Variants in NUMA1 observed in about 807,000 individuals in gnomAD.
NUMA1 encodes SP-H antigen.
A neutral mutation model predicts 237.1 loss-of-function variants in NUMA1; 62 were observed. That is an observed-to-expected ratio of 0.26 (90% CI 0.21 to 0.32). The LOEUF (loss-of-function observed/expected upper bound fraction) is 0.32. Among genes scored for constraint, NUMA1 ranks in the 10% least tolerant of loss-of-function variants. The pLI, the probability that NUMA1 is intolerant of heterozygous loss-of-function variation, is 1.00. For synonymous variants in NUMA1, 1,028 were observed against 1,066.1 expected (o/e 0.96, Z 0.70); for missense variants, 2,533 against 2,666.5 (o/e 0.95, Z 1.10).
At chr11:72,061,485 C>CTTT (rs767581846) in intron 2 of NUMA1, among the ~76,000 whole-genome samples, 42 of 117,314 alleles carry the variant, frequency 3.6e-4, no homozygotes, top group South Asian at 9.9e-4. Flanking sequence ...TGTTTCTTTT[C>CTTT]TTTTTTTTTT....
chr11:72,015,707 C>T lies in NUMA1; in HGVS notation c.1796G>A (p.Arg599Gln), dbSNP rs753482621. The change falls in exon 15 of 27, where the codon CGG becomes CAG. Residue 599 changes from arginine (R) to glutamine (Q), a missense_variant. Transcript: ENST00000393695. The surrounding 1 kb of genome is among the most constrained non-coding windows in gnomAD (Gnocchi z 4.0). ...AEEREASLRERDAALKQLEAL... is the reference protein window; with the variant it reads ...AEEREASLREQDAALKQLEAL... The stretch of plus-strand genomic sequence containing the variant: ...CTCCAGCTGCTTGAGAGCCGCATCC[C>T]GCTCCCTTAAGGAGGCCTCTCGCTC... 3.0e-5 allele frequency: 49 copies of T among 1,613,976 alleles called. No homozygotes were observed. Among genetic ancestry groups the T allele is most frequent in the African/African-American group, 5.3e-5 (4 of 74,934 alleles).
intron 20 of NUMA1, chr11:72,008,396 TAGTC>T (rs1055160794): frequency 1.6e-5 from 7 of 447,612 alleles, no homozygotes; most frequent in African/African-American, 4.0e-5. Context: ...CATCTCAGCT[TAGTC>T]AGGCTCTTTC....
intron 3 of NUMA1, among the ~76,000 whole-genome samples, chr11:72,029,544 C>T (rs1320027692): frequency 6.6e-6 from 1 of 152,212 alleles, no homozygotes; most frequent in African/African-American, 2.4e-5. Flanking sequence ...TAAGATGTTC[C>T]AGCACTGGGA....
chr11:72,018,585 T>A, intron 10 of NUMA1, 72 bp from the exon 11 acceptor site: 1 of 1,354,644 alleles, frequency 7.4e-7, no homozygotes, highest in Non-Finnish European at 1.0e-6. Context: ...TGCACAGAAC[T>A]ATGTGCACAA....
At chr11:72,009,471 G>A in intron 17 of NUMA1, 84 bp from the exon 18 acceptor site, 6 of 1,494,634 alleles carry the variant, frequency 4.0e-6, no homozygotes, top group Non-Finnish European at 5.3e-6. Context: ...GGGCTCCACA[G>A]GTGCTTCAGA....
chr11:72,004,373 A>C, intron 24 of NUMA1, 32 bp from the exon 25 acceptor site: 1 of 1,578,850 alleles, frequency 6.3e-7, no homozygotes, highest in Non-Finnish European at 8.7e-7. Context: ...GGCAGACAGT[A>C]GCAAGAGGAG....
rs1955480924 is a variant in NUMA1 at position 72,004,038 on chromosome 11, C to G, written c.6185G>C (p.Ser2062Thr). 5 of 1,613,712 alleles carry G rather than the reference C, an allele frequency of 3.1e-6. No individual in the cohort carries two copies. The highest frequency in any genetic ancestry group is 4.2e-6 in the Non-Finnish European group (5 of 1,179,826). The change falls in exon 26 of 27, where the codon AGC becomes ACC. Residue 2062 changes from serine (S) to threonine (T), a missense_variant. Physicochemically the swap from Ser to Thr is moderately conservative, Grantham distance 58. Coordinates refer to ENST00000393695, the MANE Select transcript of NUMA1 (RefSeq NM_006185.4). ...ILNTPKKLGNSLLRRGASKKA... is the reference protein window; with the variant it reads ...ILNTPKKLGNTLLRRGASKKA... ...CTTTGAGGCTCCCCGCCGCAGAAGG[C>G]TGTTCCCTAGCTTCTTGGGTGTGTT...
At chr11:72,017,655 A>G in intron 13 of NUMA1, 32 bp downstream of exon 13, 1 of 1,611,356 alleles carries the variant, frequency 6.2e-7, no homozygotes, top group Non-Finnish European at 8.5e-7. Context: ...CATGTGGTCA[A>G]GACTGTGGCT....
Position 72,008,832 on chromosome 11 carries a change from T to G in NUMA1, c.5072A>C (p.Asp1691Ala), listed in dbSNP as rs1026137847. ...RSLEAQVAHA[D>A]QQLRDLGKFQ... ...TTTGCCCAGGTCTCGAAGCTGCTGG[T>G]CTGCATGGGCAACCTGAGAAGGAGA... Residue 1691 changes from aspartate to alanine, a missense_variant, in exon 20 of 27, where the codon GAC becomes GCC. Transcript: ENST00000393695. 3.1e-6 allele frequency: 5 copies of G among 1,614,068 alleles called. No homozygotes were observed. Among genetic ancestry groups the G allele is most frequent in the Non-Finnish European group, 4.2e-6 (5 of 1,180,012 alleles).
intron 4 of NUMA1, 41 bp from the exon 5 acceptor site, chr11:72,024,394 T>G (rs1177772982): frequency 2.6e-6 from 4 of 1,560,136 alleles, no homozygotes; most frequent in Non-Finnish European, 3.5e-6. Flanking sequence ...TATTCAGCAA[T>G]CTTTGCCTCC....
At chr11:72,062,258 T>C (rs1661695767) in intron 2 of NUMA1, among the ~76,000 whole-genome samples, 2 of 152,022 alleles carry the variant, frequency 1.3e-5, no homozygotes, top group African/African-American at 2.4e-5. Flanking sequence ...TTTTAAGTAA[T>C]AGGGTCATTT....
At chr11:72,032,587 A>G (rs1940480392) in intron 3 of NUMA1, among the ~76,000 whole-genome samples, 1 of 152,238 alleles carries the variant, frequency 6.6e-6, no homozygotes, top group African/African-American at 2.4e-5. Context: ...TCATGGATAT[A>G]AAAATATTTT....
chr11:72,070,920 C>CT (rs1225026612), intron 1 of NUMA1, among the ~76,000 whole-genome samples: 1 of 152,220 alleles, frequency 6.6e-6, no homozygotes, highest in Non-Finnish European at 1.5e-5. Flanking sequence ...TATTAATACT[C>CT]TATCTTGCAA....
At chr11:72,011,914 A>G (rs1289481903) in intron 16 of NUMA1, among the ~76,000 whole-genome samples, 2 of 152,134 alleles carry the variant, frequency 1.3e-5, no homozygotes, top group East Asian at 1.9e-4. Context: ...AAGTGTCCTA[A>G]GCCCACAATC....
chr11:72,010,691 C>T, intron 17 of NUMA1, 95 bp downstream of exon 17: 1 of 1,229,570 alleles, frequency 8.1e-7, no homozygotes, highest in Non-Finnish European at 1.2e-6. Context: ...GCAGGGTGCC[C>T]CTCTTCTGCC....
Position 72,014,334 on chromosome 11 carries a change from T to C in NUMA1, c.3169A>G (p.Thr1057Ala). Reference sequence around the variant, plus strand: ...TCCTGGTCCTTGCCTTCCTTTTCCGTCAGGGCATGAGCCAGTGCCTCTTGC... The same window carrying C: ...TCCTGGTCCTTGCCTTCCTTTTCCGCCAGGGCATGAGCCAGTGCCTCTTGC... ...TLQEALAHAL[T>A]EKEGKDQELA... is the part of the protein sequence containing the mutation. Residue 1057 changes from threonine to alanine, a missense_variant, in exon 15 of 27, where the codon ACG becomes GCG. Thr to Ala is a moderately conservative substitution (Grantham distance 58). Around this residue, in one of 3 missense-constraint regions of NUMA1, gnomAD observed 1,414 missense variants for 1,508.1 expected, o/e 0.94. Transcript: ENST00000393695. The surrounding 1 kb of genome is among the most constrained non-coding windows in gnomAD (Gnocchi z 4.6). 1 of 1,613,792 alleles carries C rather than the reference T, an allele frequency of 6.2e-7. No homozygotes were observed. Among genetic ancestry groups the C allele is most frequent in the South Asian group, 1.1e-5 (1 of 91,086 alleles).
At position 72,006,217 on chromosome 11, in the gene NUMA1, C is replaced by T; in HGVS notation, c.5510G>A (p.Ser1837Asn). The change falls in exon 22 of 27, where the codon AGC (serine) becomes AAC (asparagine). Residue 1837 changes from serine to asparagine, a missense_variant. Around this residue, in one of 3 missense-constraint regions of NUMA1, gnomAD observed 795 missense variants for 750.8 expected, o/e 1.06. Transcript: ENST00000393695. ...CTGGGAAGCAGGAGCAGACCGCGTG[C>T]TGTAGAACGATGAGTTGGCGCTGTC... ...EPDSANSSFYSTRSAPASQAS... is the reference protein window; with the variant it reads ...EPDSANSSFYNTRSAPASQAS... 2 of 1,614,172 alleles carry T rather than the reference C, an allele frequency of 1.2e-6. No individual in the cohort carries two copies. Among genetic ancestry groups the T allele is most frequent in the Non-Finnish European group, 1.7e-6 (2 of 1,180,036 alleles).
intron 22 of NUMA1, chr11:72,005,777 G>A (rs1590857755): frequency 5.6e-6 from 3 of 535,634 alleles, no homozygotes; most frequent in East Asian, 3.2e-5. Context: ...GGGCATGGAG[G>A]ACTCCCCACA....
chr11:72,067,794 T>C (rs1943265174), intron 2 of NUMA1: 2 of 152,168 alleles, frequency 1.3e-5, no homozygotes, highest in South Asian at 4.1e-4. Context: ...AGAAAGAGAA[T>C]TGCAAATGAT....
Sources: allele counts gnomAD v4.1 joint callset (sites outside exome capture counted in the v4.1 genomes callset), GRCh38; gene constraint gnomAD v4.1.1; regional missense constraint gnomAD v4.1.1; non-coding constraint Gnocchi (gnomAD v3.1); transcripts MANE v1.5; gene names NCBI Gene and HGNC (gene_info 2026-07-23, HGNC 2026-07-21).